The following CACNA1C variants were observed in gnomAD, a reference collection of about 807,000 sequenced individuals.
CACNA1C encodes calcium voltage-gated channel subunit alpha1 C, also known as voltage-dependent L-type calcium channel subunit alpha-1C.
A neutral mutation model predicts 229.0 loss-of-function variants in CACNA1C; 30 were observed. That is an observed-to-expected ratio of 0.13 (90% confidence interval 0.10 to 0.18). The LOEUF is 0.18. CACNA1C is among the 10% of genes least tolerant of loss of function. The pLI, the probability that CACNA1C is intolerant of heterozygous loss-of-function variation, is 1.00. For synonymous variants in CACNA1C, 1,114 were observed against 1,132.5 expected (o/e 0.98, Z 0.33); for missense variants, 1,658 against 2,845.0 (o/e 0.58, Z 9.49).
At chr12:2,579,149 C>T (rs1455072553) in intron 13 of CACNA1C, among the ~76,000 whole-genome samples, 3 of 152,116 alleles carry the variant, frequency 2.0e-5, no homozygotes, top group Non-Finnish European at 2.9e-5. Flanking sequence ...GTCAGGCTCC[C>T]GTTGGTCCCC....
chr12:2,004,321 C>T (rs1459239594), intron 1 of CACNA1C: 1 of 1,613,294 alleles, frequency 6.2e-7, no homozygotes, highest in Non-Finnish European at 8.5e-7. Context: ...ACAGAGCCAC[C>T]TGGCTGGCCA....
Position 2,689,580 on chromosome 12 carries a change from GCC to G in CACNA1C, c.6117+806_6117+807del, listed in dbSNP as rs775489933. Among the ~76,000 whole-genome samples the G allele has an allele frequency of 6.6e-6, 1 of 151,998 alleles. No individual in the cohort carries two copies. Among genetic ancestry groups the G allele is most frequent in the Non-Finnish European group, 1.5e-5 (1 of 68,004 alleles). On this transcript the variant is annotated intron_variant, in intron 46 of 46. Transcript: ENST00000399655. The surrounding 1 kb of genome is among the most constrained non-coding windows in gnomAD (Gnocchi z 4.2). ...GAGGGGCTTGCCTGAAAGGTAGTGA[GCC>G]CCCCATCATCAGACATAGCCAAGCA...
At chr12:2,084,568 G>T (rs550531582) in intron 1 of CACNA1C, among the ~76,000 whole-genome samples, 1 of 152,200 alleles carries the variant, frequency 6.6e-6, no homozygotes, top group Admixed American at 6.5e-5. Context: ...CACCTCTGCT[G>T]GTCAGCTTCT....
chr12:2,487,369 G>C (rs149327101), intron 6 of CACNA1C, among the ~76,000 whole-genome samples: 2 of 150,434 alleles, frequency 1.3e-5, no homozygotes, highest in Middle Eastern at 3.4e-3. Flanking sequence ...TTGGGGTGAG[G>C]AGGGATAGCT....
chr12:1,970,928 C>A, exon 1 of CACNA1C: 1 of 377,468 alleles, frequency 2.6e-6, no homozygotes, highest in Non-Finnish European at 4.8e-6. Flanking sequence ...TACGATACGG[C>A]CATGTCAACT....
rs114677268 is a variant in CACNA1C at position 2,030,310 on chromosome 12, G to A, written c.139+59109G>A. Among the ~76,000 whole-genome samples the A allele has an allele frequency of 9.5e-4, 145 of 151,932 alleles. 1 individual carries two copies. Among genetic ancestry groups the A allele is most frequent in the African/African-American group, 3.4e-3 (140 of 41,404 alleles). On this transcript the variant is annotated intron_variant, in intron 1 of 46. Transcript: ENST00000682462. ...TGAGGAATCTCTGGCATCCTTCCTTGGAATCAATTACAGTCAATTTCTTCA... is the reference window on the plus strand; with the variant it reads ...TGAGGAATCTCTGGCATCCTTCCTTAGAATCAATTACAGTCAATTTCTTCA...
intron 1 of CACNA1C, among the ~76,000 whole-genome samples, chr12:2,021,818 G>T (rs1239820168): frequency 6.6e-6 from 1 of 152,150 alleles, no homozygotes; most frequent in African/African-American, 2.4e-5. Context: ...TCCTTTTCAT[G>T]GTGGTGTTAA....
intron 9 of CACNA1C, among the ~76,000 whole-genome samples, chr12:2,525,302 AG>A (rs2099816695): frequency 6.6e-6 from 1 of 152,184 alleles, no homozygotes; most frequent in African/African-American, 2.4e-5. Context: ...ATAAGGCCTG[AG>A]TGGGAGTGGA....
chr12:2,216,007 A>G (rs963014892), intron 3 of CACNA1C, among the ~76,000 whole-genome samples: 1 of 152,238 alleles, frequency 6.6e-6, no homozygotes, highest in Admixed American at 6.5e-5. Context: ...ACCAGAGAGA[A>G]AGCACACTCA....
rs143250229 is a variant in CACNA1C at position 2,637,660 on chromosome 12, G to T, written c.3912+3280G>T. Among the ~76,000 whole-genome samples, 17 of 152,366 alleles carry T rather than the reference G, an allele frequency of 1.1e-4. 1 individual carries two copies. The highest frequency in any genetic ancestry group is 3.6e-4 in the African/African-American group (15 of 41,588). The stretch of plus-strand genomic sequence containing the variant: ...ATTCTGCCTCCAGGGCATTAGCAGC[G>T]TATGGGCGGCCCCAGCATTTTCTTC... On this transcript the variant is annotated intron_variant, in intron 30 of 46. Coordinates refer to ENST00000399655, the MANE Select transcript of CACNA1C (RefSeq NM_000719.7).
chr12:2,143,553 C>T (rs1034403764), intron 3 of CACNA1C, among the ~76,000 whole-genome samples: 4 of 151,258 alleles, frequency 2.6e-5, no homozygotes, highest in African/African-American at 9.7e-5. Flanking sequence ...GTGTTCAGTA[C>T]AGTCTCAGGC....
At chr12:2,422,866 C>T (rs905156961) in intron 3 of CACNA1C, among the ~76,000 whole-genome samples, 9 of 152,146 alleles carry the variant, frequency 5.9e-5, no homozygotes, top group Admixed American at 5.9e-4. Flanking sequence ...CACTCCCTGC[C>T]GGCACAGAAC....
rs772125622 is a variant in CACNA1C, at chr12:2,053,622, A to T, written c.49+11A>T. 11 of 1,533,062 alleles carry T rather than the reference A, an allele frequency of 7.2e-6. No individual in the cohort carries two copies. The South Asian group carries it at 1.3e-4, about 18-fold the overall frequency. The allele number at this position is 1,533,062 out of a possible 1,614,324, so 95.0% of individuals were successfully genotyped here. On this transcript the variant is annotated intron_variant, in intron 1 of 46. Transcript: ENST00000399655. This position sits in a 1 kb window ranked among gnomAD's most constrained non-coding sequence, Gnocchi z 5.8. Reference sequence around the variant, plus strand: ...AGGAAAACCACCAAGGTAAGGCTGGACCCCGCCGCCTCGCCGGGGCTCCCT... The same window carrying T: ...AGGAAAACCACCAAGGTAAGGCTGGTCCCCGCCGCCTCGCCGGGGCTCCCT...
intron 3 of CACNA1C, among the ~76,000 whole-genome samples, chr12:2,145,493 G>C (rs557045818): frequency 2.6e-5 from 4 of 150,992 alleles, no homozygotes; most frequent in Non-Finnish European, 5.9e-5. Flanking sequence ...TCTATTCTTG[G>C]TTACGTTTAT....
Position 2,549,643 on chromosome 12 carries a change from A to G in CACNA1C, c.1391-300A>G, listed in dbSNP as rs1043790671. 2.0e-5 allele frequency among the ~76,000 whole-genome samples: 3 copies of G among 152,280 alleles called. 1 individual carries two copies. ...GCTTCTTCCAGTCCACAGAGTGGAGAGGAGAGATTCAATGGTCAGTTTTTT... is the reference window on the plus strand; with the variant it reads ...GCTTCTTCCAGTCCACAGAGTGGAGGGGAGAGATTCAATGGTCAGTTTTTT... On this transcript the variant is annotated intron_variant, in intron 9 of 46. Transcript: ENST00000399655.
At chr12:2,129,568 T>A (rs546344752) in intron 3 of CACNA1C, among the ~76,000 whole-genome samples, 46 of 152,294 alleles carry the variant, frequency 3.0e-4, no homozygotes, top group Middle Eastern at 3.4e-3. Context: ...TTCTTGTAAT[T>A]TAAGTATATT....
chr12:2,030,451 A>G (rs2048039329), intron 1 of CACNA1C, among the ~76,000 whole-genome samples: 1 of 151,802 alleles, frequency 6.6e-6, no homozygotes. Context: ...TTACTTTGCC[A>G]ATAATGAATT....
chr12:2,235,560 A>G (rs1375480076), intron 3 of CACNA1C, among the ~76,000 whole-genome samples: 2 of 152,184 alleles, frequency 1.3e-5, no homozygotes, highest in Non-Finnish European at 2.9e-5. Flanking sequence ...CTAGGGGTCC[A>G]TCTCTCCCAC....
rs551596036 is a variant in CACNA1C at position 2,651,509 on chromosome 12, A to G, written c.3946-131A>G. ...GCGGCCGCCCTCCCATCGGAGGGGG[A>G]AGTCTAGTGCAGCAAACCCTGGCCT... On this transcript the variant is annotated intron_variant, in intron 31 of 46. Coordinates refer to ENST00000399655, the MANE Select transcript of CACNA1C (RefSeq NM_000719.7). This position sits in a 1 kb window ranked among gnomAD's most constrained non-coding sequence, Gnocchi z 5.4. 2 of 1,368,922 alleles carry G rather than the reference A, an allele frequency of 1.5e-6. No individual in the cohort carries two copies. The highest frequency in any genetic ancestry group is 1.8e-4 in the Middle Eastern group (1 of 5,466). 84.8% of individuals were successfully genotyped at this position (1,368,922 alleles called of 1,614,324 possible).
Sources: allele counts gnomAD v4.1 joint callset (sites outside exome capture counted in the v4.1 genomes callset), GRCh38; gene constraint gnomAD v4.1.1; non-coding constraint Gnocchi (gnomAD v3.1); transcripts MANE v1.5; gene names NCBI Gene and HGNC (gene_info 2026-07-23, HGNC 2026-07-21).